Variants in ARHGDIB observed in about 807,000 individuals in gnomAD.
ARHGDIB encodes the protein Rho GDP dissociation inhibitor beta.
Under a neutral mutation model 22.6 loss-of-function variants are expected in ARHGDIB, and 20 were observed. That is an observed-to-expected ratio of 0.88 (90% confidence interval 0.62 to 1.28). The LOEUF (loss-of-function observed/expected upper bound fraction) is 1.28, where lower values mean the gene tolerates loss of function less well. Ranked by LOEUF, ARHGDIB falls within the 50% of genes most tolerant of loss-of-function variation. The pLI, the probability that ARHGDIB is intolerant of heterozygous loss-of-function variation, is 0.00. For synonymous variants in ARHGDIB, 114 were observed against 96.1 expected, an observed-to-expected ratio of 1.19 and a Z score of -1.09; for missense variants, 254 against 245.4, an observed-to-expected ratio of 1.04 and a Z score of -0.23.
In ARHGDIB at chr12:14,949,828, G is replaced by A. The variant is rs563992559; in HGVS notation, c.239C>T (p.Pro80Leu). ...TRLTLVCESA[P>L]GPITMDLTGD... is the part of the protein sequence containing the mutation. Reference sequence around the variant, plus strand: ...AGTAAGGTCCATGGTGATTGGTCCCGGGGCACTCTCACAAACCAGGGTGAG... The same window carrying A: ...AGTAAGGTCCATGGTGATTGGTCCCAGGGCACTCTCACAAACCAGGGTGAG... Residue 80 changes from proline (P) to leucine (L), a missense_variant, in exon 3 of 6, where the codon CCG (proline) becomes CTG (leucine). Coordinates refer to ENST00000228945, the MANE Select transcript of ARHGDIB (RefSeq NM_001175.7). The A allele has an allele frequency of 9.7e-5, 156 of 1,613,598 alleles. No homozygotes were observed. Among genetic ancestry groups the A allele is most frequent in the South Asian group, 4.3e-4 (39 of 91,066 alleles).
chr12:14,943,858 C>G (rs1381925610), intron 5 of ARHGDIB, among the ~76,000 whole-genome samples: 1 of 152,186 alleles, frequency 6.6e-6, no homozygotes, highest in Non-Finnish European at 1.5e-5. Flanking sequence ...TGTCACTGTC[C>G]TTTTGTCTAA....
At position 14,950,776 on chromosome 12, in the gene ARHGDIB, T is replaced by A. The variant is rs1367954179; in HGVS notation, c.-12-52A>T. 27 of 1,480,154 alleles carry A rather than the reference T, an allele frequency of 1.8e-5. No individual in the cohort carries two copies. The East Asian group carries it at 6.0e-4, about 33-fold the overall frequency. The allele number at this position is 1,480,154 out of a possible 1,614,324, so 91.7% of individuals were successfully genotyped here. On this transcript the variant is annotated intron_variant, in intron 1 of 5. Transcript: ENST00000228945. Reference sequence around the variant, plus strand: ...GTCAACAAGTCATGAATATAAAAGATGTTAGTGGGGCTGCTGTTAGCAGCC... The same window carrying A: ...GTCAACAAGTCATGAATATAAAAGAAGTTAGTGGGGCTGCTGTTAGCAGCC...
chr12:14,959,532 G>T (rs1864369323), intron 1 of ARHGDIB, among the ~76,000 whole-genome samples: 2 of 152,178 alleles, frequency 1.3e-5, no homozygotes, highest in Non-Finnish European at 2.9e-5. Context: ...GGCACTCAAT[G>T]AATGTTGGTT....
intron 2 of ARHGDIB, 46 bp downstream of exon 2, chr12:14,950,486 C>G: frequency 1.3e-6 from 2 of 1,536,154 alleles, no homozygotes; most frequent in Non-Finnish European, 8.8e-7. Context: ...ATGTCTTCTT[C>G]CCTCTCAGCG....
At chr12:14,948,099 TGCACACACAC>T (rs753355655) in intron 3 of ARHGDIB, 150 bp from the exon 4 acceptor site, 3 of 309,772 alleles carry the variant, frequency 9.7e-6, no homozygotes, top group Non-Finnish European at 1.2e-5. Context: ...GTTTAGTCCT[TGCACACACAC>T]ACACACACAC....
intron 1 of ARHGDIB, among the ~76,000 whole-genome samples, chr12:14,957,779 C>T (rs1295620387): frequency 6.6e-6 from 1 of 151,516 alleles, no homozygotes; most frequent in Non-Finnish European, 1.5e-5. Context: ...CATCTAGACA[C>T]ACAGGCCATG....
intron 1 of ARHGDIB, among the ~76,000 whole-genome samples, chr12:14,953,103 T>C (rs978227217): frequency 6.6e-6 from 1 of 152,182 alleles, no homozygotes; most frequent in African/African-American, 2.4e-5. Flanking sequence ...AATCTGAGGC[T>C]TATGTTCTAC....
At position 14,942,624 on chromosome 12, in the gene ARHGDIB, C is replaced by G. The variant is rs4703; in HGVS notation, c.504G>C (p.Ala168=). ...AGGACTTGTTGTGGTACGTGCCTCG[C>G]GCCAGCATGCCCTTGGGAGCCTCCT... ...PVEEAPKGML[A]RGTYHNKSFF... The change falls in exon 6 of 6, where the codon GCG becomes GCC. Residue 168 remains alanine (A), a synonymous_variant. Coordinates refer to ENST00000228945, the MANE Select transcript of ARHGDIB (RefSeq NM_001175.7). 0.53 allele frequency: 860,926 copies of G among 1,613,840 alleles called. 232,502 individuals carry two copies. The highest frequency in any genetic ancestry group is 0.59 in the Admixed American group (35,258 of 60,000).
At chr12:14,959,535 T>A (rs1864369428) in intron 1 of ARHGDIB, among the ~76,000 whole-genome samples, 1 of 152,178 alleles carries the variant, frequency 6.6e-6, no homozygotes, top group Admixed American at 6.5e-5. Flanking sequence ...ACTCAATGAA[T>A]GTTGGTTCTC....
intron 4 of ARHGDIB, 129 bp downstream of exon 4, chr12:14,947,744 C>T: frequency 2.6e-6 from 2 of 780,070 alleles, no homozygotes; most frequent in South Asian, 3.3e-5. Flanking sequence ...GAGGACATTC[C>T]AGACCCAGCT....
At chr12:14,943,326 T>C (rs1469656445) in intron 5 of ARHGDIB, among the ~76,000 whole-genome samples, 2 of 152,108 alleles carry the variant, frequency 1.3e-5, no homozygotes, top group Non-Finnish European at 2.9e-5. Flanking sequence ...CAAAGTTGAT[T>C]CTGAGGTAAA....
intron 3 of ARHGDIB, among the ~76,000 whole-genome samples, chr12:14,948,436 T>C (rs1458118283): frequency 1.3e-5 from 2 of 152,228 alleles, no homozygotes; most frequent in Non-Finnish European, 2.9e-5. Flanking sequence ...GCTTTTAAAA[T>C]TCTACTTGTT....
intron 1 of ARHGDIB, among the ~76,000 whole-genome samples, chr12:14,952,508 A>C (rs190274554): frequency 1.3e-5 from 2 of 152,344 alleles, no homozygotes; most frequent in East Asian, 3.9e-4. Flanking sequence ...ACTCTAGAGC[A>C]CAGCAGAATA....
intron 1 of ARHGDIB, among the ~76,000 whole-genome samples, chr12:14,951,953 T>C (rs959440551): frequency 3.3e-5 from 5 of 152,098 alleles, no homozygotes; most frequent in Admixed American, 6.5e-5. Flanking sequence ...TTTCAGGCCC[T>C]GTGGCTGACA....
chr12:14,952,002 G>A (rs967911145), intron 1 of ARHGDIB, among the ~76,000 whole-genome samples: 5 of 152,152 alleles, frequency 3.3e-5, no homozygotes, highest in African/African-American at 1.2e-4. Context: ...TTTGGGCAAG[G>A]AGATTGTTTT....
rs759999589 is a variant in ARHGDIB at position 14,950,689 on chromosome 12, T to C, written c.24A>G (p.Pro8=). 3 of 1,611,856 alleles carry C rather than the reference T, an allele frequency of 1.9e-6. No individual in the cohort carries two copies. In the East Asian group the frequency reaches 6.7e-5, roughly 36 times the overall value. MTEKAPE[P]HVEEDDDDEL... ...CATCATCGTCATCCTCCTCCACATG[T>C]GGCTCTGGGGCTTTTTCAGTCATTC... The change falls in exon 2 of 6, where the codon CCA becomes CCG. Residue 8 remains proline, a synonymous_variant. Coordinates refer to ENST00000228945, the MANE Select transcript of ARHGDIB (RefSeq NM_001175.7).
At chr12:14,960,789 C>T (rs1349081614) in intron 1 of ARHGDIB, among the ~76,000 whole-genome samples, 2 of 152,216 alleles carry the variant, frequency 1.3e-5, no homozygotes. Flanking sequence ...AGGCGTGAGC[C>T]ACCACGCCCA....
chr12:14,952,409 T>C (rs1864198903), intron 1 of ARHGDIB, among the ~76,000 whole-genome samples: 1 of 152,012 alleles, frequency 6.6e-6, no homozygotes, highest in African/African-American at 2.4e-5. Flanking sequence ...AATGCCCAGG[T>C]TCACTTCCTG....
At chr12:14,949,540 T>C (rs566828431) in intron 3 of ARHGDIB, among the ~76,000 whole-genome samples, 28 of 152,350 alleles carry the variant, frequency 1.8e-4, no homozygotes, top group African/African-American at 3.1e-4. Context: ...AACAATTCTC[T>C]TACTATCATG....
Sources: gnomAD v4.1 joint callset for allele counts (sites outside exome capture counted in the v4.1 genomes callset) on GRCh38, gnomAD v4.1.1 for gene constraint, MANE v1.5 for transcripts, NCBI Gene and HGNC (gene_info 2026-07-23, HGNC 2026-07-21) for gene names.